Variants in STARD4 observed in about 807,000 individuals in gnomAD.
STARD4 encodes the protein StAR related lipid transfer domain containing 4.
A neutral mutation model predicts 24.9 loss-of-function variants in STARD4; 33 were observed. The observed-to-expected ratio is 1.32, with a 90% CI of 1.00 to 1.77. The LOEUF (loss-of-function observed/expected upper bound fraction) is 1.77. Among genes scored for constraint, STARD4 ranks in the 40% most tolerant of loss-of-function variants. The probability of loss-of-function intolerance (pLI) is 0.00; values close to 1 mark genes in which losing one functional copy is unlikely to be tolerated. For missense variants in STARD4, 238 were observed against 249.3 expected, an observed-to-expected ratio of 0.95 and a Z score of 0.31; for synonymous variants, 88 against 77.4, an observed-to-expected ratio of 1.14 and a Z score of -0.72.
intron 3 of STARD4, among the ~76,000 whole-genome samples, chr5:111,504,475 T>C (rs1756697343): frequency 6.6e-6 from 1 of 152,200 alleles, no homozygotes; most frequent in African/African-American, 2.4e-5. Context: ...TTTCATTGTT[T>C]ATGGATATAT....
rs139008376 is a variant in STARD4, at chr5:111,502,032, C to T, written c.212G>A (p.Arg71His). Residue 71 changes from arginine (R) to histidine (H), a missense_variant, in exon 4 of 6, where the codon CGC becomes CAC. Physicochemically the swap from Arg to His is conservative, Grantham distance 29 (BLOSUM62 0). Coordinates refer to ENST00000296632, the MANE Select transcript of STARD4 (RefSeq NM_139164.3). ...DLVYSIIDHI[R>H]PGPCRLDWDS... ...CCAATCCAAACGACAAGGCCCTGGG[C>T]GTATATGGTCTATTATACTATAGAC... The T allele has an allele frequency of 2.6e-5, 42 of 1,614,034 alleles. No individual in the cohort carries two copies. In the African/African-American group the frequency reaches 2.7e-4, roughly 10 times the overall value.
intron 5 of STARD4, chr5:111,500,675 T>A: frequency 7.6e-7 from 1 of 1,308,050 alleles, no homozygotes; most frequent in Non-Finnish European, 9.7e-7. Flanking sequence ...AGTACTTCTC[T>A]GTGTATGACC....
At chr5:111,506,851 G>A (rs887168128) in intron 2 of STARD4, among the ~76,000 whole-genome samples, 6 of 152,124 alleles carry the variant, frequency 3.9e-5, no homozygotes, top group African/African-American at 1.4e-4. Context: ...TATCAGAATA[G>A]CTAGAGCACT....
At position 111,498,775 on chromosome 5, in the gene STARD4, G is replaced by T. The variant is rs1257962360; in HGVS notation, c.*1111C>A. On this transcript the variant is annotated 3_prime_UTR_variant, in exon 6 of 6. Coordinates refer to ENST00000296632, the MANE Select transcript of STARD4 (RefSeq NM_139164.3). The stretch of plus-strand genomic sequence containing the variant: ...GTGCTGCTGCCACCTTTTGTTTTTT[G>T]AAATCTATCATCACCAGTGGCAAAA... 6.6e-6 allele frequency: 1 copy of T among 151,900 alleles called. No homozygotes were observed. The allele number at this position is 151,900 out of a possible 1,614,324, so 9.4% of individuals were successfully genotyped here.
Position 111,508,499 on chromosome 5 carries a change from A to T in STARD4, c.-9-1057T>A, listed in dbSNP as rs183304382. 3.7e-3 allele frequency among the ~76,000 whole-genome samples: 566 copies of T among 152,298 alleles called. 3 individuals carry two copies. Among genetic ancestry groups the T allele is most frequent in the Non-Finnish European group, 6.7e-3 (453 of 67,974 alleles). On this transcript the variant is annotated intron_variant, in intron 1 of 5. Coordinates refer to ENST00000296632, the MANE Select transcript of STARD4 (RefSeq NM_139164.3). Reference sequence around the variant, plus strand: ...CCCATCTTCAGTAAAAGGCTAAAGAAGAAAAGAGTTTTAGGGGTAAAGTTG... The same window carrying T: ...CCCATCTTCAGTAAAAGGCTAAAGATGAAAAGAGTTTTAGGGGTAAAGTTG...
rs1283813594 is a variant in STARD4, at chr5:111,499,886, T to C, written c.618A>G (p.Ter206TrpextTer21). The change falls in exon 6 of 6, where the codon TGA becomes TGG. Residue 206 changes from the stop codon to tryptophan (W), a stop_lost. Coordinates refer to ENST00000296632, the MANE Select transcript of STARD4 (RefSeq NM_139164.3). Reference protein sequence around the residue: ...NFYGDLRKAL* With the variant: ...NFYGDLRKALW ...TACAAGTTTGAATGTATTTTGCCTCTCATAAAGCTTTTCGTAAATCACCAT... is the reference window on the plus strand; with the variant it reads ...TACAAGTTTGAATGTATTTTGCCTCCCATAAAGCTTTTCGTAAATCACCAT... The C allele has an allele frequency of 6.2e-7, 1 of 1,613,766 alleles. No individual in the cohort carries two copies. The highest frequency in any genetic ancestry group is 8.5e-7 in the Non-Finnish European group (1 of 1,179,822).
chr5:111,511,343 A>G (rs1453557738), intron 1 of STARD4, among the ~76,000 whole-genome samples: 1 of 152,222 alleles, frequency 6.6e-6, no homozygotes, highest in Non-Finnish European at 1.5e-5. Flanking sequence ...AATAACATTT[A>G]TTGATCACTT....
rs554996008 is a variant in STARD4, at chr5:111,505,511, AT to A, written c.155+818del. On this transcript the variant is annotated intron_variant, in intron 3 of 5. Transcript: ENST00000296632. ...TACAAGCTTTAAAAAACAATATATT[AT>A]TTTCTTATGTTATTAAATAATCTTC... Among the ~76,000 whole-genome samples the A allele has an allele frequency of 3.4e-3, 521 of 152,182 alleles. 5 individuals are homozygous for A. The highest frequency in any genetic ancestry group is 0.012 in the African/African-American group (502 of 41,536).
chr5:111,503,822 T>G (rs905051616), intron 3 of STARD4, among the ~76,000 whole-genome samples: 2 of 152,118 alleles, frequency 1.3e-5, no homozygotes, highest in African/African-American at 4.8e-5. Flanking sequence ...AGTCATTTTT[T>G]AAAACTAGCC....
chr5:111,507,866 C>T lies in STARD4; in HGVS notation c.-9-424G>A, dbSNP rs974454736. ...GCCTAAAGGGAATCTCTTGCCTCCC[C>T]TGGCTTCCCTCAATTTGTCACAGTA... On this transcript the variant is annotated intron_variant, in intron 1 of 5. Coordinates refer to ENST00000296632, the MANE Select transcript of STARD4 (RefSeq NM_139164.3). This position sits in a 1 kb window ranked among gnomAD's most constrained non-coding sequence, Gnocchi z 4.4. 2.6e-5 allele frequency among the ~76,000 whole-genome samples: 4 copies of T among 152,198 alleles called. No individual in the cohort carries two copies. Among genetic ancestry groups the T allele is most frequent in the East Asian group, 1.9e-4 (1 of 5,206 alleles).
chr5:111,500,046 C>G lies in STARD4; in HGVS notation c.458G>C (p.Cys153Ser), dbSNP rs1469601526. Residue 153 changes from cysteine to serine, a missense_variant, in exon 6 of 6, where the codon TGT becomes TCT. Cys to Ser is a moderately radical substitution (Grantham distance 112). Transcript: ENST00000296632. ...PEFVRGYNHPCGWFCVPLKDN... is the reference protein window; with the variant it reads ...PEFVRGYNHPSGWFCVPLKDN... ...TTTAAGTGGAACACAAAACCAACCACAGGGATGGTTATATCCTCGAACAAA... is the reference window on the plus strand; with the variant it reads ...TTTAAGTGGAACACAAAACCAACCAGAGGGATGGTTATATCCTCGAACAAA... 2 of 1,613,992 alleles carry G rather than the reference C, an allele frequency of 1.2e-6. No homozygotes were observed. The highest frequency in any genetic ancestry group is 2.7e-5 in the African/African-American group (2 of 74,910).
intron 3 of STARD4, among the ~76,000 whole-genome samples, chr5:111,504,602 C>CT (rs879633432): frequency 7.9e-5 from 12 of 151,942 alleles, no homozygotes; most frequent in East Asian, 5.8e-4. Flanking sequence ...CTATCAGTAC[C>CT]TTTTTTTTAA....
intron 1 of STARD4, chr5:111,512,176 C>G (rs1386745333): frequency 6.6e-6 from 1 of 152,378 alleles, no homozygotes; most frequent in African/African-American, 2.4e-5. Flanking sequence ...CGCCGCTTCC[C>G]CTCCCAGGGG....
intron 1 of STARD4, among the ~76,000 whole-genome samples, chr5:111,512,060 CT>C (rs1211593861): frequency 3.3e-5 from 5 of 152,334 alleles, no homozygotes; most frequent in African/African-American, 9.6e-5. Context: ...ACCACCGCCC[CT>C]CTCCCATTTA....
chr5:111,501,703 T>TGCTGAATA (rs1269008599), intron 4 of STARD4, among the ~76,000 whole-genome samples: 1 of 152,218 alleles, frequency 6.6e-6, no homozygotes, highest in East Asian at 1.9e-4. Flanking sequence ...CAATGAAGGA[T>TGCTGAATA]GCTGAATATA....
In STARD4 at chr5:111,499,810, G is replaced by A; in HGVS notation, c.*76C>T. The A allele has an allele frequency of 3.7e-6, 5 of 1,342,730 alleles. No homozygotes were observed. In the South Asian group the frequency reaches 6.6e-5, roughly 18 times the overall value. The allele number at this position is 1,342,730 out of a possible 1,614,324, so 83.2% of individuals were successfully genotyped here. On this transcript the variant is annotated 3_prime_UTR_variant, in exon 6 of 6. Coordinates refer to ENST00000296632, the MANE Select transcript of STARD4 (RefSeq NM_139164.3). ...TTTCTACCGGCTATGCAGAAAAGTG[G>A]AATCAATGATTTTTACAGGCCATGT...
chr5:111,499,640 A>AC lies in STARD4; in HGVS notation c.*245dup. 4.1e-6 allele frequency: 2 copies of AC among 491,406 alleles called. No individual in the cohort carries two copies. Among genetic ancestry groups the AC allele is most frequent in the Non-Finnish European group, 7.3e-6 (2 of 273,344 alleles). 30.4% of individuals were successfully genotyped at this position (491,406 alleles called of 1,614,324 possible). On this transcript the variant is annotated 3_prime_UTR_variant, in exon 6 of 6. Coordinates refer to ENST00000296632, the MANE Select transcript of STARD4 (RefSeq NM_139164.3). ...CAAAGCTGCAGTGAGCTGTGATCAT[A>AC]CCACTGCCCTCCAGCATGGGCAACA... is the stretch of plus-strand genomic sequence containing the variant.
At chr5:111,505,472 A>G (rs1756785335) in intron 3 of STARD4, among the ~76,000 whole-genome samples, 1 of 152,204 alleles carries the variant, frequency 6.6e-6, no homozygotes, top group African/African-American at 2.4e-5. Context: ...CCAAGTATGC[A>G]AGGCAGTTGT....
chr5:111,497,099 A>C lies in STARD4; in HGVS notation c.*2787T>G, dbSNP rs1377222647. 1 of 152,092 alleles carries C rather than the reference A, an allele frequency of 6.6e-6. No individual in the cohort carries two copies. The highest frequency in any genetic ancestry group is 2.4e-5 in the African/African-American group (1 of 41,450). The allele number at this position is 152,092 out of a possible 1,614,324, so 9.4% of individuals were successfully genotyped here. On this transcript the variant is annotated 3_prime_UTR_variant, in exon 6 of 6. Coordinates refer to ENST00000296632, the MANE Select transcript of STARD4 (RefSeq NM_139164.3). ...ATATACTGAAAACAGTATTATGCCA[A>C]ATATTTCCCACATACACAAGTTTCT...
Sources: gnomAD v4.1 joint callset for allele counts (sites outside exome capture counted in the v4.1 genomes callset) on GRCh38, gnomAD v4.1.1 for gene constraint, Gnocchi (gnomAD v3.1) non-coding constraint, MANE v1.5 for transcripts, NCBI Gene and HGNC (gene_info 2026-07-23, HGNC 2026-07-21) for gene names.